Variants in KANK3 observed in about 807,000 individuals in gnomAD.
The protein encoded by KANK3 is KN motif and ankyrin repeat domain-containing protein 3.
In KANK3, 61 loss-of-function variants were observed where a neutral mutation model predicts 65.4. That is an observed-to-expected ratio of 0.93 (90% CI 0.76 to 1.15). The LOEUF is 1.15. Among genes scored for constraint, KANK3 ranks in the 50% most tolerant of loss-of-function variants. The pLI, the probability that KANK3 is intolerant of heterozygous loss-of-function variation, is 0.00. For missense variants in KANK3, 1,187 were observed against 1,178.8 expected, an observed-to-expected ratio of 1.01 and a Z score of -0.10; for synonymous variants, 586 against 543.3, an observed-to-expected ratio of 1.08 and a Z score of -1.09.
chr19:8,340,295 C>T (rs370610555), intron 1 of KANK3, among the ~76,000 whole-genome samples: 15,238 of 64,976 alleles, frequency 0.23, 1,188 homozygotes, highest in Middle Eastern at 0.41. Flanking sequence ...TATATATACA[C>T]ACACACACAC....
intron 1 of KANK3, among the ~76,000 whole-genome samples, chr19:8,338,956 A>G (rs1970687012): frequency 6.6e-6 from 1 of 151,662 alleles, no homozygotes; most frequent in African/African-American, 2.4e-5. Context: ...TCTTGCAGGA[A>G]TGATGGGGAA....
chr19:8,327,084 A>G (rs1970442221), intron 7 of KANK3, among the ~76,000 whole-genome samples: 1 of 152,124 alleles, frequency 6.6e-6, no homozygotes, highest in African/African-American at 2.4e-5. Context: ...GGATTGAGGT[A>G]GTTTAAGGAA....
rs1428801292 is a variant in KANK3 at position 8,335,185 on chromosome 19, C to A, written c.642G>T (p.Val214=). The part of the protein sequence containing the change: ...ARTLPELQEQ[V]RALRAEKARL... ...GCGCCTTCTCGGCGCGCAGCGCGCGCACCTGCTCCTGCAGCTCGGGCAGCG... is the reference window on the plus strand; with the variant it reads ...GCGCCTTCTCGGCGCGCAGCGCGCGAACCTGCTCCTGCAGCTCGGGCAGCG... Residue 214 remains valine, a synonymous_variant, in exon 3 of 11, where the codon GTG becomes GTT. Coordinates refer to ENST00000330915, the MANE Select transcript of KANK3 (RefSeq NM_198471.3). The A allele has an allele frequency of 1.6e-6, 2 of 1,216,386 alleles. No individual in the cohort carries two copies. The highest frequency in any genetic ancestry group is 3.5e-5 in the East Asian group (1 of 28,194). 75.3% of individuals were successfully genotyped at this position (1,216,386 alleles called of 1,614,324 possible). A position where few individuals can be genotyped will look rare whatever the true frequency, so the allele number is the denominator to read the frequency against.
At chr19:8,341,637 G>A (rs1360517004) in intron 1 of KANK3, among the ~76,000 whole-genome samples, 1 of 152,050 alleles carries the variant, frequency 6.6e-6, no homozygotes, top group Non-Finnish European at 1.5e-5. Flanking sequence ...TCTCAAACCA[G>A]GCGTGAGCCG....
Position 8,334,076 on chromosome 19 carries a change from CATCGCTGTCGCT to C in KANK3, c.1456_1467del (p.Ser486_Asp489del), listed in dbSNP as rs762518518. ...TCGGCGCCACCGTTCTCGCTGTCGC[CATCGCTGTCGCT>C]GGCGTCCTCGCTGGAGGAGCTCTCG... On this transcript the variant is annotated inframe_deletion, in exon 5 of 11. Coordinates refer to ENST00000330915, the MANE Select transcript of KANK3 (RefSeq NM_198471.3). 5.3e-6 allele frequency: 4 copies of C among 758,662 alleles called. No individual in the cohort carries two copies. Among genetic ancestry groups the C allele is most frequent in the East Asian group, 4.7e-5 (1 of 21,230 alleles). 47.0% of individuals were successfully genotyped at this position (758,662 alleles called of 1,614,324 possible). A position where few individuals can be genotyped will look rare whatever the true frequency, so the allele number is the denominator to read the frequency against.
At chr19:8,331,066 G>A (rs192253978) in intron 7 of KANK3, among the ~76,000 whole-genome samples, 3 of 151,892 alleles carry the variant, frequency 2.0e-5, no homozygotes, top group Admixed American at 6.6e-5. Context: ...GGTGGCGGGC[G>A]CCTGTAGTCC....
In KANK3 at chr19:8,335,639, C is replaced by T; in HGVS notation, c.188G>A (p.Arg63His). 1 of 1,245,410 alleles carries T rather than the reference C, an allele frequency of 8.0e-7. No individual in the cohort carries two copies. 77.1% of individuals were successfully genotyped at this position (1,245,410 alleles called of 1,614,324 possible). The stretch of plus-strand genomic sequence containing the variant: ...GCGCGAGGTCGGGGGTCCCGGGGCG[C>T]GGCGGGCAGCGGGGCCACGCTCCAG... ...EELERGPAAR[R>H]APGPPTSRRP... is the part of the protein sequence containing the mutation. The change falls in exon 3 of 11, where the codon CGC becomes CAC. Residue 63 changes from arginine to histidine, a missense_variant. Arg to His is a conservative substitution (Grantham distance 29, BLOSUM62 0). Transcript: ENST00000330915.
intron 4 of KANK3, 42 bp downstream of exon 4, chr19:8,334,278 A>G (rs779122979): frequency 1.9e-6 from 3 of 1,610,802 alleles, no homozygotes; most frequent in African/African-American, 2.7e-5. Context: ...ACCCCAGTCT[A>G]TGTCCCGGCA....
intron 7 of KANK3, among the ~76,000 whole-genome samples, chr19:8,332,271 A>G (rs1016638743): frequency 1.3e-5 from 2 of 151,766 alleles, no homozygotes; most frequent in African/African-American, 4.8e-5. Context: ...TCTGCCTCCC[A>G]GGTTCAAGCA....
In KANK3 at chr19:8,326,945, G is replaced by A. The variant is rs182689361; in HGVS notation, c.1937-1849C>T. 1.4e-3 allele frequency among the ~76,000 whole-genome samples: 219 copies of A among 152,258 alleles called. 1 individual carries two copies. The highest frequency in any genetic ancestry group is 5.1e-3 in the African/African-American group (213 of 41,564). Reference sequence around the variant, plus strand: ...TGCCTATCCTGAATGAAACACAAACGTGAGCTCAGTTTCCTCTGGGATCAG... The same window carrying A: ...TGCCTATCCTGAATGAAACACAAACATGAGCTCAGTTTCCTCTGGGATCAG... On this transcript the variant is annotated intron_variant, in intron 7 of 10. Coordinates refer to ENST00000330915, the MANE Select transcript of KANK3 (RefSeq NM_198471.3).
intron 2 of KANK3, among the ~76,000 whole-genome samples, chr19:8,336,163 G>A (rs551266570): frequency 2.0e-5 from 3 of 152,344 alleles, no homozygotes; most frequent in South Asian, 4.1e-4. Flanking sequence ...CTGGCCCGGC[G>A]TGTGGTTCGC....
intron 1 of KANK3, 133 bp from the exon 2 acceptor site, chr19:8,337,989 C>T (rs1447060453): frequency 4.9e-6 from 7 of 1,442,986 alleles, no homozygotes; most frequent in Non-Finnish European, 6.4e-6. Flanking sequence ...CATGGCCTCT[C>T]CTTCCTCTTC....
intron 7 of KANK3, among the ~76,000 whole-genome samples, chr19:8,327,961 A>C (rs1457180487): frequency 6.6e-6 from 1 of 152,146 alleles, no homozygotes; most frequent in Non-Finnish European, 1.5e-5. Flanking sequence ...TTTCTCTTGC[A>C]GCTACCTTGA....
chr19:8,323,830 T>C (rs1164053092), intron 10 of KANK3, among the ~76,000 whole-genome samples: 1 of 152,230 alleles, frequency 6.6e-6, no homozygotes, highest in Non-Finnish European at 1.5e-5. Flanking sequence ...ATGAAAGTGC[T>C]AAAACATCCT....
chr19:8,333,773 A>G lies in KANK3; in HGVS notation c.1670T>C (p.Val557Ala). 1 of 1,511,008 alleles carries G rather than the reference A, an allele frequency of 6.6e-7. No individual in the cohort carries two copies. The highest frequency in any genetic ancestry group is 8.9e-7 in the Non-Finnish European group (1 of 1,126,582). The allele number at this position is 1,511,008 out of a possible 1,614,324, so 93.6% of individuals were successfully genotyped here. A position where few individuals can be genotyped will look rare whatever the true frequency, so the allele number is the denominator to read the frequency against. The change falls in exon 6 of 11, where the codon GTA becomes GCA. Residue 557 changes from valine (V) to alanine (A), a missense_variant. By Grantham distance (64) the Val-to-Ala change is moderately conservative. Transcript: ENST00000330915. The surrounding 1 kb of genome is among the most constrained non-coding windows in gnomAD (Gnocchi z 5.0). Reference protein sequence around the residue: ...ELSPRLREACVALQRQLSRPR... With the variant: ...ELSPRLREACAALQRQLSRPR... The stretch of plus-strand genomic sequence containing the variant: ...CCGGCTCAGCTGCCGCTGCAGCGCT[A>G]CGCACGCCTCCCTCAGACGCGGGCT...
intron 3 of KANK3, 36 bp from the exon 4 acceptor site, chr19:8,334,455 C>T (rs372495490): frequency 5.0e-6 from 8 of 1,611,322 alleles, no homozygotes; most frequent in East Asian, 4.5e-5. Flanking sequence ...GAGTTCGAGT[C>T]CGGCGCCGAG....
chr19:8,327,096 T>C (rs1171601851), intron 7 of KANK3, among the ~76,000 whole-genome samples: 1 of 151,952 alleles, frequency 6.6e-6, no homozygotes, highest in Non-Finnish European at 1.5e-5. Context: ...TTTAAGGAAA[T>C]GAATGAGAAG....
intron 10 of KANK3, 106 bp downstream of exon 10, chr19:8,324,343 G>A: frequency 9.8e-7 from 1 of 1,017,312 alleles, no homozygotes; most frequent in Non-Finnish European, 1.5e-6. Context: ...CTGCACCCCT[G>A]GTGCCACCTT....
At chr19:8,337,235 G>A (rs1206599492) in intron 2 of KANK3, among the ~76,000 whole-genome samples, 27 of 121,668 alleles carry the variant, frequency 2.2e-4, no homozygotes, top group African/African-American at 8.3e-4. Flanking sequence ...ACGCAGTCTC[G>A]CTCTGTCGCC....
Sources: allele counts gnomAD v4.1 joint callset (sites outside exome capture counted in the v4.1 genomes callset), GRCh38; gene constraint gnomAD v4.1.1; non-coding constraint Gnocchi (gnomAD v3.1); transcripts MANE v1.5; gene names NCBI Gene and HGNC (gene_info 2026-07-23, HGNC 2026-07-21).